Variants in ANO3 observed in about 807,000 individuals in gnomAD.
ANO3 encodes anoctamin-3.
In ANO3, 99 loss-of-function variants were observed where a neutral mutation model predicts 144.8. That is an observed-to-expected ratio of 0.68 (90% CI 0.58 to 0.81). The LOEUF is 0.81. Ranked by LOEUF, ANO3 falls within the 30% of genes least tolerant of loss-of-function variation. ANO3 has a pLI of 0.00. For missense variants in ANO3, 905 were observed against 1,202.2 expected, an observed-to-expected ratio of 0.75 and a Z score of 3.66; for synonymous variants, 414 against 392.6, an observed-to-expected ratio of 1.05 and a Z score of -0.64.
chr11:26,515,024 A>G (rs1441549073), intron 5 of ANO3, among the ~76,000 whole-genome samples: 1 of 152,026 alleles, frequency 6.6e-6, no homozygotes, highest in African/African-American at 2.4e-5. Flanking sequence ...ACTTTAAAAA[A>G]ATTATATACA....
In ANO3 at chr11:26,531,149, T is replaced by A. The variant is rs2131696; in HGVS notation, c.738-56T>A. ...TACTTAAGTGAATTGTAGTGGAAGG[T>A]AGTCATGGCTTTGGAATACAACCTA... On this transcript the variant is annotated intron_variant, in intron 7 of 26. Coordinates refer to ENST00000256737, the MANE Select transcript of ANO3 (RefSeq NM_031418.4). 958,967 of 1,590,412 alleles carry A rather than the reference T, an allele frequency of 0.6. 292,816 individuals carry two copies. The highest frequency in any genetic ancestry group is 0.82 in the East Asian group (36,586 of 44,674).
intron 3 of ANO3, among the ~76,000 whole-genome samples, chr11:26,453,720 C>T (rs570362715): frequency 1.3e-3 from 193 of 152,182 alleles, no homozygotes; most frequent in Non-Finnish European, 2.2e-3. Flanking sequence ...CACCTCTGCA[C>T]CAAGCAGACC....
chr11:26,401,624 C>T (rs1340731863), intron 1 of ANO3, among the ~76,000 whole-genome samples: 1 of 151,986 alleles, frequency 6.6e-6, no homozygotes, highest in Non-Finnish European at 1.5e-5. Flanking sequence ...CCTGTAATCC[C>T]AGTACTTTGG....
chr11:26,275,547 C>T (rs991381044), intron 1 of ANO3, among the ~76,000 whole-genome samples: 2 of 152,078 alleles, frequency 1.3e-5, no homozygotes, highest in Admixed American at 1.3e-4. Flanking sequence ...TGGATATTTC[C>T]CCCAAATGGA....
intron 1 of ANO3, among the ~76,000 whole-genome samples, chr11:26,311,992 C>A (rs1854511599): frequency 6.6e-6 from 1 of 152,158 alleles, no homozygotes; most frequent in African/African-American, 2.4e-5. Flanking sequence ...AATTCTATCC[C>A]TCCGCTCTCC....
intron 1 of ANO3, among the ~76,000 whole-genome samples, chr11:26,407,078 A>ATATATATATATG (rs1711131550): frequency 9.0e-6 from 1 of 110,552 alleles, no homozygotes; most frequent in Non-Finnish European, 1.9e-5. Flanking sequence ...GTGTGTGTGT[A>ATATATATATATG]TATATATATA....
chr11:26,395,587 T>G (rs889964413), intron 1 of ANO3, among the ~76,000 whole-genome samples: 1 of 152,110 alleles, frequency 6.6e-6, no homozygotes, highest in Admixed American at 6.6e-5. Flanking sequence ...TTGTCTATTA[T>G]TGGTGTATAG....
At chr11:26,331,962 A>T, upstream of ANO3, 1 of 523,248 alleles carries the variant, frequency 1.9e-6, no homozygotes, top group South Asian at 2.4e-5. Context: ...CCTCCAGTAA[A>T]GTCTTCTGCT....
chr11:26,289,832 A>T (rs987563316), intron 1 of ANO3, among the ~76,000 whole-genome samples: 2 of 151,228 alleles, frequency 1.3e-5, no homozygotes, highest in East Asian at 3.9e-4. Context: ...CCAGTATTTT[A>T]TTGAGGATTT....
chr11:26,553,832 C>T (rs1488078975), intron 13 of ANO3, among the ~76,000 whole-genome samples: 1 of 152,084 alleles, frequency 6.6e-6, no homozygotes, highest in Non-Finnish European at 1.5e-5. Context: ...GGGATTGGAA[C>T]ATGAATATCG....
At chr11:26,613,879 A>G (rs1852171724) in intron 17 of ANO3, among the ~76,000 whole-genome samples, 2 of 152,194 alleles carry the variant, frequency 1.3e-5, no homozygotes, top group South Asian at 2.1e-4. Flanking sequence ...AGGGCCAACA[A>G]TCTGTATGGT....
At chr11:26,646,742 A>G (rs1853357261) in intron 23 of ANO3, among the ~76,000 whole-genome samples, 1 of 152,078 alleles carries the variant, frequency 6.6e-6, no homozygotes, top group Non-Finnish European at 1.5e-5. Context: ...ATCTTTTTGT[A>G]TACTAGGCAT....
Position 26,310,658 on chromosome 11 carries a change from G to C in ANO3, c.-3+939G>C, listed in dbSNP as rs925876687. Among the ~76,000 whole-genome samples the C allele has an allele frequency of 9.3e-4, 141 of 152,264 alleles. 1 individual carries two copies. Among genetic ancestry groups the C allele is most frequent in the Non-Finnish European group, 5.9e-4 (40 of 68,028 alleles). On this transcript the variant is annotated intron_variant, in intron 1 of 26. Coordinates refer to the ANO3 transcript ENST00000525139. ...ACCCATGTGTGTGTTGTGTGAATAT[G>C]TGTGTTTTGGAAATGTATGTGCTAC...
In ANO3 at chr11:26,620,453, T is replaced by A. The variant is rs1203329711; in HGVS notation, c.1837-4009T>A. 2.6e-5 allele frequency among the ~76,000 whole-genome samples: 4 copies of A among 151,686 alleles called. No homozygotes were observed. In the East Asian group the frequency reaches 7.7e-4, roughly 29 times the overall value. On this transcript the variant is annotated intron_variant, in intron 17 of 26. Transcript: ENST00000256737. ...ATCAAAAATTAAAATGTTATTAAAA[T>A]CAAATTTTATAAATATTAAATTAAA...
chr11:26,544,166 A>T (rs382621), intron 11 of ANO3, among the ~76,000 whole-genome samples: 143,955 of 147,094 alleles, frequency 0.98, 70,522 homozygotes, highest in East Asian at 1. Flanking sequence ...TTATTTCACT[A>T]AAGTTAATGT....
chr11:26,316,473 A>C (rs1361006673), intron 1 of ANO3, among the ~76,000 whole-genome samples: 1 of 152,220 alleles, frequency 6.6e-6, no homozygotes, highest in Non-Finnish European at 1.5e-5. Context: ...CAGAGCCTTA[A>C]AACAGAAACA....
At position 26,656,353 on chromosome 11, in the gene ANO3, CTCTT is replaced by C; in HGVS notation, c.2658-21_2658-18del. The C allele has an allele frequency of 6.5e-7, 1 of 1,540,036 alleles. No homozygotes were observed. Among genetic ancestry groups the C allele is most frequent in the Non-Finnish European group, 9.0e-7 (1 of 1,115,104 alleles). On this transcript the variant is annotated intron_variant, in intron 25 of 26. Coordinates refer to ENST00000256737, the MANE Select transcript of ANO3 (RefSeq NM_031418.4). Reference sequence around the variant, plus strand: ...CACTCTTTGATCTCTATTTGTCATTCTCTTTGTTTTTGTGGATTTCAGGTACAGA... The same window carrying C: ...CACTCTTTGATCTCTATTTGTCATTCTGTTTTTGTGGATTTCAGGTACAGA...
chr11:26,329,332 AG>A (rs918849790), upstream of ANO3, among the ~76,000 whole-genome samples: 10 of 27,228 alleles, frequency 3.7e-4, no homozygotes, highest in Admixed American at 1.2e-3. Flanking sequence ...ACACACAGAG[AG>A]AGAGAGAGAG....
chr11:26,194,367 G>A (rs1207185218), intron 1 of ANO3, among the ~76,000 whole-genome samples: 1 of 150,952 alleles, frequency 6.6e-6, no homozygotes, highest in African/African-American at 2.4e-5. Context: ...AGAAGGACTT[G>A]GTAGGAAGTG....
Sources: allele counts gnomAD v4.1 joint callset (sites outside exome capture counted in the v4.1 genomes callset), GRCh38; gene constraint gnomAD v4.1.1; transcripts MANE v1.5; gene names NCBI Gene and HGNC (gene_info 2026-07-23, HGNC 2026-07-21).